The following NUP88 variants were observed in gnomAD, a reference collection of about 807,000 sequenced individuals.
NUP88 encodes nuclear pore complex protein Nup88.
A neutral mutation model predicts 93.9 loss-of-function variants in NUP88; 57 were observed. That is an observed-to-expected ratio of 0.61 (90% CI 0.49 to 0.76). The LOEUF is 0.76. Among genes scored for constraint, NUP88 ranks in the 30% least tolerant of loss-of-function variants. The pLI is 0.00. For synonymous variants in NUP88, 346 were observed against 336.8 expected, an observed-to-expected ratio of 1.03 and a Z score of -0.30; for missense variants, 911 against 901.0, an observed-to-expected ratio of 1.01 and a Z score of -0.14.
chr17:5,410,941 T>C, intron 3 of NUP88, 152 bp from the exon 4 acceptor site: 1 of 617,186 alleles, frequency 1.6e-6, no homozygotes, highest in Admixed American at 3.0e-5. Flanking sequence ...CAAAGTAGTC[T>C]AGTTCATTTA....
intron 10 of NUP88, among the ~76,000 whole-genome samples, chr17:5,389,720 G>A (rs892144435): frequency 2.1e-5 from 3 of 145,796 alleles, no homozygotes; most frequent in Non-Finnish European, 4.5e-5. Context: ...AGGTTGCAGT[G>A]AGCTGAGATC....
intron 3 of NUP88, among the ~76,000 whole-genome samples, chr17:5,412,660 C>T (rs1002867304): frequency 6.6e-6 from 1 of 151,976 alleles, no homozygotes; most frequent in Non-Finnish European, 1.5e-5. Flanking sequence ...CACCCCACCC[C>T]CCCACATACA....
intron 7 of NUP88, among the ~76,000 whole-genome samples, chr17:5,400,499 A>C (rs57638183): frequency 8.1e-5 from 4 of 49,616 alleles, no homozygotes; most frequent in African/African-American, 1.4e-4. Context: ...GTCTCAAAAA[A>C]AAAAAAAAAA....
chr17:5,408,818 C>T lies in NUP88; in HGVS notation c.772G>A (p.Gly258Ser), dbSNP rs765446884. 124 of 1,613,914 alleles carry T rather than the reference C, an allele frequency of 7.7e-5. No individual in the cohort carries two copies. In the Middle Eastern group the frequency reaches 2.1e-3, roughly 28 times the overall value. Residue 258 changes from glycine (G) to serine (S), a missense_variant, in exon 5 of 17, where the codon GGC (glycine) becomes AGC (serine). Coordinates refer to ENST00000573584, the MANE Select transcript of NUP88 (RefSeq NM_002532.6). ...GGGTATGCCACTACTTCATCTTTGC[C>T]GTTTTGTCCAAATAGAGTCTTTGGG... ...AVPKTLFGQNGKDEVVAYPLY... is the reference protein window; with the variant it reads ...AVPKTLFGQNSKDEVVAYPLY...
chr17:5,388,995 G>A (rs199805852), intron 10 of NUP88, 35 bp from the exon 11 acceptor site: 20 of 1,527,156 alleles, frequency 1.3e-5, no homozygotes, highest in Admixed American at 1.9e-5. Context: ...ATTCTACCAT[G>A]GAGTGATTTA....
chr17:5,387,265 A>AT, intron 14 of NUP88, 121 bp downstream of exon 14: 1 of 1,244,962 alleles, frequency 8.0e-7, no homozygotes, highest in Non-Finnish European at 1.2e-6. Context: ...CATATACTTC[A>AT]GAGGAGAGGC....
Position 5,394,740 on chromosome 17 carries a change from C to G in NUP88, c.1382+151G>C, listed in dbSNP as rs975421183. 7 of 586,996 alleles carry G rather than the reference C, an allele frequency of 1.2e-5. No individual in the cohort carries two copies. In the African/African-American group the frequency reaches 1.3e-4, roughly 11 times the overall value. 36.4% of individuals were successfully genotyped at this position (586,996 alleles called of 1,614,324 possible). A position where few individuals can be genotyped will look rare whatever the true frequency, so the allele number is the denominator to read the frequency against. On this transcript the variant is annotated intron_variant, in intron 9 of 16. Coordinates refer to ENST00000573584, the MANE Select transcript of NUP88 (RefSeq NM_002532.6). Reference sequence around the variant, plus strand: ...TGGAGAGGAGAAAGCTTCTGATGAGCAGGACACTCTTAGGGGAGAAGTATC... The same window carrying G: ...TGGAGAGGAGAAAGCTTCTGATGAGGAGGACACTCTTAGGGGAGAAGTATC...
Position 5,416,572 on chromosome 17 carries a change from T to C in NUP88, c.408A>G (p.Leu136=). 6.2e-7 allele frequency: 1 copy of C among 1,612,136 alleles called. No individual in the cohort carries two copies. Among genetic ancestry groups the C allele is most frequent in the Non-Finnish European group, 8.5e-7 (1 of 1,179,226 alleles). ...IGIKGLMVLE[L]PKRWGKNSEF... is the part of the protein sequence containing the mutation. ...CAGAATTCTTCCCCCATCTTTTAGGTAATTCTAATACCATAAGTCCTTTTA... is the reference window on the plus strand; with the variant it reads ...CAGAATTCTTCCCCCATCTTTTAGGCAATTCTAATACCATAAGTCCTTTTA... The change falls in exon 2 of 17, where the codon TTA becomes TTG. Residue 136 remains leucine, a synonymous_variant. Transcript: ENST00000573584.
At chr17:5,406,247 G>C (rs1001450479) in intron 5 of NUP88, among the ~76,000 whole-genome samples, 1 of 152,216 alleles carries the variant, frequency 6.6e-6, no homozygotes, top group Admixed American at 6.5e-5. Flanking sequence ...AATGATTTCT[G>C]GGAAGGGGAT....
In NUP88 at chr17:5,388,826, C is replaced by T; in HGVS notation, c.1619G>A (p.Ser540Asn). 3 of 1,613,940 alleles carry T rather than the reference C, an allele frequency of 1.9e-6. No homozygotes were observed. The highest frequency in any genetic ancestry group is 2.5e-6 in the Non-Finnish European group (3 of 1,179,942). Reference protein sequence around the residue: ...EKHIRSILQRSVANPAFLKAS... With the variant: ...EKHIRSILQRNVANPAFLKAS... ...CTTCAAAAATGCTGGATTGGCAACA[C>T]TACGTTGCAAAATGCTTCTAATATG... Residue 540 changes from serine to asparagine, a missense_variant, in exon 11 of 17, where the codon AGT (serine) becomes AAT (asparagine). Physicochemically the swap from Ser to Asn is conservative, Grantham distance 46. Transcript: ENST00000573584.
intron 1 of NUP88, 69 bp downstream of exon 1, chr17:5,419,285 G>C: frequency 6.9e-7 from 1 of 1,458,110 alleles, no homozygotes; most frequent in Non-Finnish European, 9.1e-7. Flanking sequence ...ACAGCCAAGA[G>C]GAGCAAGGAA....
chr17:5,407,823 T>C (rs1806249), intron 5 of NUP88, among the ~76,000 whole-genome samples: 66,090 of 151,980 alleles, frequency 0.43, 15,128 homozygotes, highest in East Asian at 0.84. Context: ...TGTTATCTAC[T>C]GTGTTTCATT....
intron 3 of NUP88, among the ~76,000 whole-genome samples, 173 bp from the exon 4 acceptor site, chr17:5,410,962 A>G (rs1475617804): frequency 6.6e-6 from 1 of 152,188 alleles, no homozygotes; most frequent in Non-Finnish European, 1.5e-5. Flanking sequence ...TTCTTTAACT[A>G]CATAAGGGAG....
chr17:5,392,552 C>T (rs915656203), intron 9 of NUP88, among the ~76,000 whole-genome samples: 2 of 152,148 alleles, frequency 1.3e-5, no homozygotes, highest in African/African-American at 2.4e-5. Context: ...GAAATCTACA[C>T]ACTACTGGGC....
At chr17:5,390,181 A>AAAAAT (rs1555528177) in intron 10 of NUP88, among the ~76,000 whole-genome samples, 2,222 of 147,794 alleles carry the variant, frequency 0.015, 84 homozygotes, top group African/African-American at 0.051. Flanking sequence ...AAAAAAAAAA[A>AAAAAT]TATCCAGACA....
At chr17:5,395,096 A>G in intron 8 of NUP88, 115 bp from the exon 9 acceptor site, 1 of 688,782 alleles carries the variant, frequency 1.5e-6, no homozygotes, top group South Asian at 1.7e-5. Context: ...ATTGCTTCTC[A>G]AGTACTATGC....
At chr17:5,388,509 C>T (rs563549932) in intron 11 of NUP88, 8 of 227,202 alleles carry the variant, frequency 3.5e-5, no homozygotes, top group African/African-American at 4.5e-5. Context: ...AGGATGGTCT[C>T]GATCTCCTGA....
At chr17:5,400,396 T>A (rs566513771) in intron 7 of NUP88, among the ~76,000 whole-genome samples, 1 of 149,882 alleles carries the variant, frequency 6.7e-6, no homozygotes, top group South Asian at 2.1e-4. Context: ...CTCGGGAGGC[T>A]GAGGCAGGAG....
intron 5 of NUP88, among the ~76,000 whole-genome samples, chr17:5,407,715 A>T (rs1365975308): frequency 6.6e-6 from 1 of 152,152 alleles, no homozygotes; most frequent in Non-Finnish European, 1.5e-5. Flanking sequence ...TTAGAAATAA[A>T]TCTTCTCCCC....
Sources: allele counts gnomAD v4.1 joint callset (sites outside exome capture counted in the v4.1 genomes callset), GRCh38; gene constraint gnomAD v4.1.1; transcripts MANE v1.5; gene names NCBI Gene and HGNC (gene_info 2026-07-23, HGNC 2026-07-21).